Variants in LRRC37A2 observed in about 807,000 individuals in gnomAD.
LRRC37A2 encodes leucine-rich repeat-containing protein 37A2.
LRRC37A2 carries 9 observed loss-of-function variants against 68.8 expected under a neutral mutation model. The observed-to-expected ratio is 0.13, with a 90% CI of 0.08 to 0.23. The LOEUF (loss-of-function observed/expected upper bound fraction) is 0.23. LRRC37A2 is among the 10% of genes least tolerant of loss of function. The probability of loss-of-function intolerance (pLI) is 1.00; values close to 1 mark genes in which losing one functional copy is unlikely to be tolerated. For synonymous variants in LRRC37A2, 63 were observed against 367.6 expected (o/e 0.17, Z 9.48); for missense variants, 168 against 950.4 (o/e 0.18, Z 10.82).
chr17:46,987,525 T>C, the LRRC37A2 span, among the ~76,000 whole-genome samples: 1 of 152,222 alleles, frequency 6.6e-6, no homozygotes, highest in African/African-American at 2.4e-5. Context: ...GTGAAGACTC[T>C]TGCAACCATA....
the LRRC37A2 span, chr17:46,833,474 C>A: frequency 2.1e-6 from 1 of 485,274 alleles, no homozygotes. Context: ...AGCCAACCCA[C>A]CCCGACTCCC....
chr17:46,892,575 T>G, the LRRC37A2 span, among the ~76,000 whole-genome samples: 2 of 152,242 alleles, frequency 1.3e-5, no homozygotes, highest in African/African-American at 4.8e-5. Context: ...ATTGTAGGTG[T>G]CTGTCCATCT....
chr17:46,735,376 A>T, the LRRC37A2 span, among the ~76,000 whole-genome samples: 4 of 151,954 alleles, frequency 2.6e-5, no homozygotes, highest in African/African-American at 9.7e-5. Context: ...AAAGGTGGGG[A>T]TTATAACGTC....
At chr17:46,803,965 C>T in the LRRC37A2 span, among the ~76,000 whole-genome samples, 1 of 152,184 alleles carries the variant, frequency 6.6e-6, no homozygotes, top group Non-Finnish European at 1.5e-5. Flanking sequence ...TCAGGTAAAG[C>T]GTGTTTTCCC....
At chr17:47,006,248 G>A in the LRRC37A2 span, among the ~76,000 whole-genome samples, 3 of 151,972 alleles carry the variant, frequency 2.0e-5, no homozygotes, top group East Asian at 1.9e-4. Flanking sequence ...CCTGTCCTTC[G>A]AGCTGGCAAG....
chr17:46,992,378 A>C, the LRRC37A2 span, among the ~76,000 whole-genome samples: 2 of 151,988 alleles, frequency 1.3e-5, no homozygotes, highest in South Asian at 4.1e-4. Flanking sequence ...GGGAAAAAAA[A>C]ATGTTTTAGT....
At chr17:46,904,709 A>G in the LRRC37A2 span, among the ~76,000 whole-genome samples, 1 of 152,270 alleles carries the variant, frequency 6.6e-6, no homozygotes, top group East Asian at 1.9e-4. Flanking sequence ...TTCTCAATTC[A>G]GGTTAGAGTG....
At chr17:46,755,532 T>C in the LRRC37A2 span, 5 of 721,654 alleles carry the variant, frequency 6.9e-6, no homozygotes, top group South Asian at 1.8e-5. Context: ...TTGGTTGTAC[T>C]GTTGGTTTGC....
the LRRC37A2 span, among the ~76,000 whole-genome samples, chr17:46,811,122 A>AAGGGAAATGCTGATGTCAACT: frequency 5.5e-5 from 8 of 145,362 alleles, no homozygotes; most frequent in Admixed American, 2.0e-4. Flanking sequence ...CAGGCTGCAA[A>AAGGGAAATGCTGATGTCAACT]CAGATAAATC....
chr17:46,938,764 AGCCACGCTCAGT>A, the LRRC37A2 span: 1 of 1,613,898 alleles, frequency 6.2e-7, no homozygotes, highest in Non-Finnish European at 8.5e-7. Context: ...GACATGAGCC[AGCCACGCTCAGT>A]GGCTGAACAG....
chr17:46,762,218 T>A, the LRRC37A2 span, among the ~76,000 whole-genome samples: 89 of 152,272 alleles, frequency 5.8e-4, no homozygotes, highest in Admixed American at 1.9e-3. Context: ...CATTAATTTA[T>A]ACATTGAAAA....
At chr17:46,755,625 C>A in the LRRC37A2 span, 1 of 719,364 alleles carries the variant, frequency 1.4e-6, no homozygotes, top group Non-Finnish European at 2.3e-6. Flanking sequence ...CCTGCTTTTA[C>A]ATGCATGGAG....
At chr17:46,777,076 G>A in the LRRC37A2 span, among the ~76,000 whole-genome samples, 6 of 152,210 alleles carry the variant, frequency 3.9e-5, no homozygotes, top group Non-Finnish European at 5.9e-5. Context: ...CATGCCAGGT[G>A]GCTCACGCCT....
chr17:46,895,954 G>A, the LRRC37A2 span, among the ~76,000 whole-genome samples: 1 of 152,078 alleles, frequency 6.6e-6, no homozygotes, highest in East Asian at 1.9e-4. Context: ...AGCTGGTGGG[G>A]GCAGAGGGGG....
the LRRC37A2 span, among the ~76,000 whole-genome samples, chr17:46,501,616 G>T: frequency 6.6e-6 from 1 of 151,212 alleles, no homozygotes. Context: ...GTTCTCAGAG[G>T]ATGGAAACAT....
the LRRC37A2 span, among the ~76,000 whole-genome samples, chr17:46,742,451 A>G: frequency 6.6e-6 from 1 of 152,254 alleles, no homozygotes; most frequent in Admixed American, 6.5e-5. Flanking sequence ...AAACATCAGT[A>G]AAGCCAAACC....
At chr17:46,838,823 A>G in the LRRC37A2 span, among the ~76,000 whole-genome samples, 1 of 152,048 alleles carries the variant, frequency 6.6e-6, no homozygotes, top group African/African-American at 2.4e-5. Flanking sequence ...GTGCACAGAG[A>G]GGGGATTACT....
chr17:46,657,925 C>T, the LRRC37A2 span, among the ~76,000 whole-genome samples: 1 of 88,270 alleles, frequency 1.1e-5, no homozygotes, highest in Non-Finnish European at 2.0e-5. Flanking sequence ...TTGAAGAGCT[C>T]ACCACATTTC....
the LRRC37A2 span, among the ~76,000 whole-genome samples, chr17:46,970,124 T>A: frequency 5.3e-5 from 8 of 152,316 alleles, no homozygotes; most frequent in African/African-American, 1.4e-4. Flanking sequence ...TGTAAAGCAC[T>A]GTGCTTAGTG....
Sources: allele counts gnomAD v4.1 joint callset (sites outside exome capture counted in the v4.1 genomes callset), GRCh38; gene constraint gnomAD v4.1.1; transcripts MANE v1.5; gene names NCBI Gene and HGNC (gene_info 2026-07-23, HGNC 2026-07-21).